CLYBL: variants seen among roughly 807,000 people sequenced by gnomAD.
The protein encoded by CLYBL is citramalyl-CoA lyase, mitochondrial.
Under a neutral mutation model 38.9 loss-of-function variants are expected in CLYBL, and 31 were observed. That is an observed-to-expected ratio of 0.80 (90% CI 0.60 to 1.08). The LOEUF is 1.08. Ranked by LOEUF, CLYBL falls within the 50% of genes least tolerant of loss-of-function variation. CLYBL has a pLI of 0.00. For synonymous variants in CLYBL, 171 were observed against 158.6 expected (o/e 1.08, Z -0.59); for missense variants, 434 against 411.6 (o/e 1.05, Z -0.47).
At chr13:99,820,792 C>G (rs529772636) in intron 2 of CLYBL, among the ~76,000 whole-genome samples, 2 of 152,132 alleles carry the variant, frequency 1.3e-5, no homozygotes. Context: ...AGCTGTTCTC[C>G]GGTCGGGATG....
intron 7 of CLYBL, among the ~76,000 whole-genome samples, chr13:99,887,702 G>A (rs1056912802): frequency 3.9e-5 from 6 of 152,188 alleles, no homozygotes; most frequent in East Asian, 1.9e-4. Flanking sequence ...GCAGTAAGCC[G>A]TGATGACGCC....
chr13:99,763,440 C>T (rs1471041048), intron 1 of CLYBL, among the ~76,000 whole-genome samples: 1 of 151,220 alleles, frequency 6.6e-6, no homozygotes, highest in African/African-American at 2.4e-5. Context: ...AGTCTTTGTT[C>T]TTGGTTCTGT....
chr13:99,840,433 G>A (rs951535587), intron 2 of CLYBL, among the ~76,000 whole-genome samples: 1 of 151,918 alleles, frequency 6.6e-6, no homozygotes, highest in Non-Finnish European at 1.5e-5. Context: ...GCAACATAGC[G>A]ACAGCCTGTC....
At chr13:99,727,260 G>C (rs577358747) in intron 1 of CLYBL, 1 of 152,208 alleles carries the variant, frequency 6.6e-6, no homozygotes, top group South Asian at 2.1e-4. Flanking sequence ...CTAATTGCAG[G>C]TATTTCTAAT....
chr13:99,900,767 C>T (rs564124755), downstream of CLYBL, among the ~76,000 whole-genome samples: 11 of 152,278 alleles, frequency 7.2e-5, no homozygotes, highest in Non-Finnish European at 1.5e-4. Flanking sequence ...GAGCAAGCTC[C>T]AAATGTGTGT....
At chr13:99,671,791 A>AAT (rs1555350674) in intron 1 of CLYBL, among the ~76,000 whole-genome samples, 2 of 130,780 alleles carry the variant, frequency 1.5e-5, no homozygotes, top group African/African-American at 5.5e-5. Context: ...AAAAAAAAAA[A>AAT]AAAATAATAA....
chr13:99,895,320 T>C (rs995839309), downstream of CLYBL: 6 of 152,256 alleles, frequency 3.9e-5, no homozygotes, highest in Non-Finnish European at 8.8e-5. Context: ...TTCTGTGTTT[T>C]ATTTCTTTCC....
At chr13:99,773,276 C>G (rs1263671922) in intron 2 of CLYBL, among the ~76,000 whole-genome samples, 1 of 152,144 alleles carries the variant, frequency 6.6e-6, no homozygotes, top group East Asian at 1.9e-4. Context: ...GATGGACAAT[C>G]AATTTTGGCC....
chr13:99,779,590 A>G (rs1024532337), intron 2 of CLYBL, among the ~76,000 whole-genome samples: 3 of 152,224 alleles, frequency 2.0e-5, no homozygotes, highest in Non-Finnish European at 4.4e-5. Flanking sequence ...ATACAAATGA[A>G]TTGCTATAAA....
chr13:99,639,782 A>G (rs2047068614), intron 1 of CLYBL, among the ~76,000 whole-genome samples: 1 of 152,198 alleles, frequency 6.6e-6, no homozygotes, highest in African/African-American at 2.4e-5. Context: ...CTGTAGTCCC[A>G]GCTACTGAGG....
rs1356664790 is a variant in CLYBL, at chr13:99,670,006, A to C, written c.62+63249A>C. On this transcript the variant is annotated intron_variant, in intron 1 of 8. Transcript: ENST00000339105. Reference sequence around the variant, plus strand: ...TCAGGTGTTCGAGACCAGCCTGGCCAACATAGTGAAACCCCGTCTCTATTA... The same window carrying C: ...TCAGGTGTTCGAGACCAGCCTGGCCCACATAGTGAAACCCCGTCTCTATTA... Among the ~76,000 whole-genome samples, 8 of 149,804 alleles carry C rather than the reference A, an allele frequency of 5.3e-5. No homozygotes were observed. The Admixed American group carries it at 5.4e-4, about 10-fold the overall frequency.
intron 1 of CLYBL, among the ~76,000 whole-genome samples, chr13:99,630,768 C>T (rs536643638): frequency 2.0e-5 from 3 of 152,192 alleles, no homozygotes; most frequent in South Asian, 2.1e-4. Context: ...TACAGTCTCC[C>T]GAGCTCTTTC....
Position 99,892,434 on chromosome 13 carries a change from A to G in CLYBL, c.*25-9A>G, listed in dbSNP as rs1262736100. On this transcript the variant is annotated splice_polypyrimidine_tract_variant and intron_variant, in intron 8 of 8. Transcript: ENST00000339105. ...TGTTCCCTATTCAGCATGTACTCTT[A>G]TATTGAAGGCTAAAGGGTATTGAAG... The G allele has an allele frequency of 6.5e-6, 1 of 152,678 alleles. No homozygotes were observed. Among genetic ancestry groups the G allele is most frequent in the Non-Finnish European group, 1.5e-5 (1 of 68,046 alleles). 9.5% of individuals were successfully genotyped at this position (152,678 alleles called of 1,614,324 possible). A position where few individuals can be genotyped will look rare whatever the true frequency, so the allele number is the denominator to read the frequency against.
chr13:99,866,354 A>G lies in CLYBL; in HGVS notation c.749A>G (p.Asp250Gly). The G allele has an allele frequency of 1.9e-6, 3 of 1,614,158 alleles. No homozygotes were observed. Among genetic ancestry groups the G allele is most frequent in the Middle Eastern group, 1.7e-4 (1 of 6,052 alleles). Reference protein sequence around the residue: ...AIDLVYIDFRDGAGLLRQSRE... With the variant: ...AIDLVYIDFRGGAGLLRQSRE... ...GATCTGGTGTACATTGACTTTCGAG[A>G]TGGAGCTGGGCTGCTTAGACAGTCA... The change falls in exon 6 of 9, where the codon GAT becomes GGT. Residue 250 changes from aspartate to glycine, a missense_variant. Physicochemically the swap from Asp to Gly is moderately conservative, Grantham distance 94. Transcript: ENST00000339105.
intron 1 of CLYBL, among the ~76,000 whole-genome samples, chr13:99,644,789 C>T (rs1463241348): frequency 1.3e-5 from 2 of 152,230 alleles, no homozygotes; most frequent in Admixed American, 6.5e-5. Flanking sequence ...CTGTGCCTGA[C>T]TTATTTCACT....
downstream of CLYBL, among the ~76,000 whole-genome samples, chr13:99,898,592 C>T (rs868135513): frequency 1.3e-5 from 2 of 152,190 alleles, no homozygotes; most frequent in East Asian, 1.9e-4. Flanking sequence ...TGCCTGCCCC[C>T]GCCCCTGTGT....
At chr13:99,642,587 T>A (rs775095952) in intron 1 of CLYBL, among the ~76,000 whole-genome samples, 2 of 151,120 alleles carry the variant, frequency 1.3e-5, no homozygotes, top group Non-Finnish European at 2.9e-5. Context: ...GCTCATTTTT[T>A]AATTTATTTT....
chr13:99,824,265 C>A (rs960170939), intron 2 of CLYBL, among the ~76,000 whole-genome samples: 2 of 130,916 alleles, frequency 1.5e-5, no homozygotes, highest in Admixed American at 7.9e-5. Context: ...TAGCCCCCCC[C>A]ACCCACCCCC....
intron 2 of CLYBL, among the ~76,000 whole-genome samples, chr13:99,810,728 G>C (rs555064652): frequency 4.0e-4 from 61 of 152,250 alleles, no homozygotes; most frequent in African/African-American, 1.4e-3. Flanking sequence ...AGCTGGGCAG[G>C]TGTGGACGGG....
Sources: allele counts gnomAD v4.1 joint callset (sites outside exome capture counted in the v4.1 genomes callset), GRCh38; gene constraint gnomAD v4.1.1; transcripts MANE v1.5; gene names NCBI Gene and HGNC (gene_info 2026-07-23, HGNC 2026-07-21).